The following CHN1 variants were observed in gnomAD, a reference collection of about 807,000 sequenced individuals.
CHN1 encodes the protein N-chimaerin.
Under a neutral mutation model 59.5 loss-of-function variants are expected in CHN1, and 37 were observed. That is an observed-to-expected ratio of 0.62 (90% CI 0.48 to 0.82). The LOEUF is 0.82. Ranked by LOEUF, CHN1 falls within the 40% of genes least tolerant of loss-of-function variation. CHN1 has a pLI of 0.00. For synonymous variants in CHN1, 206 were observed against 200.4 expected (o/e 1.03, Z -0.24); for missense variants, 469 against 571.0 (o/e 0.82, Z 1.82).
At chr2:174,930,135 T>C (rs1423060107) in intron 3 of CHN1, among the ~76,000 whole-genome samples, 2 of 152,240 alleles carry the variant, frequency 1.3e-5, no homozygotes, top group African/African-American at 4.8e-5. Context: ...CCAGCAGATA[T>C]ACTTGTGGCT....
At chr2:174,802,927 A>AAGCTTGGGAAG (rs1684773886) in intron 11 of CHN1, among the ~76,000 whole-genome samples, 1 of 152,132 alleles carries the variant, frequency 6.6e-6, no homozygotes, top group South Asian at 2.1e-4. Context: ...AATCCCAGCT[A>AAGCTTGGGAAG]CTTGGGAAGC....
chr2:174,956,745 C>A (rs1204317192), intron 1 of CHN1, among the ~76,000 whole-genome samples: 1 of 147,896 alleles, frequency 6.8e-6, no homozygotes, highest in Non-Finnish European at 1.5e-5. Context: ...GCTCTCCAGC[C>A]TGGGTGACAG....
intron 1 of CHN1, among the ~76,000 whole-genome samples, chr2:175,000,444 T>TTTTTG (rs1367548138): frequency 1.3e-5 from 2 of 151,978 alleles, no homozygotes; most frequent in Non-Finnish European, 2.9e-5. Flanking sequence ...GGCCTGATTT[T>TTTTTG]TTTTGTTTGT....
chr2:174,899,554 A>G (rs2105355023), intron 5 of CHN1, among the ~76,000 whole-genome samples: 1 of 152,350 alleles, frequency 6.6e-6, no homozygotes, highest in South Asian at 2.1e-4. Context: ...TTACCTTTTA[A>G]ATGGCTACAC....
At chr2:174,991,445 T>C (rs1163288954) in intron 1 of CHN1, among the ~76,000 whole-genome samples, 1 of 152,166 alleles carries the variant, frequency 6.6e-6, no homozygotes, top group Non-Finnish European at 1.5e-5. Context: ...ATAGATACTG[T>C]TTAGTGTCCC....
At chr2:174,802,712 T>C (rs1684766085) in intron 11 of CHN1, among the ~76,000 whole-genome samples, 1 of 152,176 alleles carries the variant, frequency 6.6e-6, no homozygotes, top group African/African-American at 2.4e-5. Flanking sequence ...ACATTCCTGC[T>C]TCTACTCAAA....
intron 8 of CHN1, among the ~76,000 whole-genome samples, chr2:174,817,070 C>T (rs1685293737): frequency 6.6e-6 from 1 of 152,196 alleles, no homozygotes; most frequent in Non-Finnish European, 1.5e-5. Flanking sequence ...CCTCTTCCCA[C>T]TGGGTCACAC....
At position 174,839,557 on chromosome 2, in the gene CHN1, A is replaced by C. The variant is rs2105423967; in HGVS notation, c.627+7323T>G. On this transcript the variant is annotated intron_variant, in intron 7 of 12. Transcript: ENST00000409900. ...ATTGAGTATCTTCTAGAAACTTGTG[A>C]GCAACACGATGCCTTTACTTAACAA... Among the ~76,000 whole-genome samples the C allele has an allele frequency of 2.6e-5, 4 of 152,118 alleles. No individual in the cohort carries two copies. In the South Asian group the frequency reaches 8.3e-4, roughly 32 times the overall value.
intron 6 of CHN1, among the ~76,000 whole-genome samples, chr2:174,863,835 A>T (rs752939811): frequency 3.3e-5 from 5 of 152,198 alleles, no homozygotes; most frequent in Non-Finnish European, 7.4e-5. Context: ...ATTTCTGCAG[A>T]TATCTCAATT....
intron 7 of CHN1, among the ~76,000 whole-genome samples, chr2:174,836,223 G>A (rs923588208): frequency 6.6e-6 from 1 of 152,136 alleles, no homozygotes; most frequent in African/African-American, 2.4e-5. Context: ...TTTTGTTTGT[G>A]TTCCTTCTTT....
At chr2:174,954,829 C>T (rs1690137814) in intron 1 of CHN1, among the ~76,000 whole-genome samples, 1 of 151,948 alleles carries the variant, frequency 6.6e-6, no homozygotes, top group African/African-American at 2.4e-5. Flanking sequence ...AATACTTTTA[C>T]ACTGTTGGTG....
intron 8 of CHN1, chr2:174,821,900 C>A: frequency 3.7e-6 from 1 of 267,638 alleles, no homozygotes; most frequent in Non-Finnish European, 7.7e-6. Context: ...ATTCTTCGTG[C>A]CATGAAAGGA....
chr2:174,848,662 GTTC>G (rs1389666215), intron 6 of CHN1, among the ~76,000 whole-genome samples: 1 of 152,060 alleles, frequency 6.6e-6, no homozygotes, highest in Non-Finnish European at 1.5e-5. Flanking sequence ...GCATGAAGTG[GTTC>G]TTAAGCTATG....
chr2:174,978,545 T>G (rs895962666), intron 1 of CHN1, among the ~76,000 whole-genome samples: 2 of 152,222 alleles, frequency 1.3e-5, no homozygotes, highest in African/African-American at 4.8e-5. Context: ...ACAAACCTAC[T>G]TACTACACAG....
chr2:174,953,089 C>T (rs1004202434), intron 1 of CHN1, among the ~76,000 whole-genome samples: 3 of 151,340 alleles, frequency 2.0e-5, no homozygotes, highest in African/African-American at 7.3e-5. Context: ...TGGCCAGCCA[C>T]ATCACCTGGC....
intron 1 of CHN1, among the ~76,000 whole-genome samples, chr2:174,989,966 G>T (rs1461679907): frequency 6.6e-6 from 1 of 151,970 alleles, no homozygotes; most frequent in African/African-American, 2.4e-5. Context: ...TTTCTATTAA[G>T]ATTTTGATCA....
chr2:174,909,837 A>T (rs1182128845), intron 5 of CHN1, among the ~76,000 whole-genome samples: 1 of 152,226 alleles, frequency 6.6e-6, no homozygotes, highest in Non-Finnish European at 1.5e-5. Context: ...AAAGAATATG[A>T]TTCTTGAAAG....
chr2:174,884,198 C>T (rs1035357895), intron 5 of CHN1, among the ~76,000 whole-genome samples: 1 of 151,862 alleles, frequency 6.6e-6, no homozygotes, highest in Admixed American at 6.6e-5. Flanking sequence ...GTCTCGATCT[C>T]CTGACCTCGT....
chr2:174,904,276 AAAT>A (rs925563363), intron 5 of CHN1, among the ~76,000 whole-genome samples: 3 of 152,118 alleles, frequency 2.0e-5, no homozygotes, highest in East Asian at 1.9e-4. Context: ...ATAAATAAAT[AAAT>A]AATAAAAAAT....
Sources: allele counts gnomAD v4.1 joint callset (sites outside exome capture counted in the v4.1 genomes callset), GRCh38; gene constraint gnomAD v4.1.1; transcripts MANE v1.5; gene names NCBI Gene and HGNC (gene_info 2026-07-23, HGNC 2026-07-21).